Variants in COL23A1 observed in about 807,000 individuals in gnomAD.
The protein encoded by COL23A1 is collagen alpha-1(XXIII) chain.
A neutral mutation model predicts 99.3 loss-of-function variants in COL23A1; 97 were observed. The observed-to-expected ratio is 0.98, with a 90% CI of 0.83 to 1.16. The LOEUF is 1.16. COL23A1 is among the 50% of genes most tolerant of loss of function. The probability of loss-of-function intolerance (pLI) is 0.00; values close to 1 mark genes in which losing one functional copy is unlikely to be tolerated. For missense variants in COL23A1, 762 were observed against 757.4 expected (o/e 1.01, Z -0.07); for synonymous variants, 320 against 308.2 (o/e 1.04, Z -0.40).
In COL23A1 at chr5:178,366,432, C is replaced by G. The variant is rs1762483178; in HGVS notation, c.362-59513G>C. Among the ~76,000 whole-genome samples, 1 of 152,210 alleles carries G rather than the reference C, an allele frequency of 6.6e-6. No homozygotes were observed. The highest frequency in any genetic ancestry group is 2.4e-5 in the African/African-American group (1 of 41,456). ...AGCTCCCATCCGCCCTTCCCTGCATCCTCCTGGGCTGGTTCCAGTTTGGGG... is the reference window on the plus strand; with the variant it reads ...AGCTCCCATCCGCCCTTCCCTGCATGCTCCTGGGCTGGTTCCAGTTTGGGG... On this transcript the variant is annotated intron_variant, in intron 2 of 28. Transcript: ENST00000390654. This position sits in a 1 kb window ranked among gnomAD's most constrained non-coding sequence, Gnocchi z 4.4.
At chr5:178,574,307 A>G (rs1763243985) in intron 1 of COL23A1, among the ~76,000 whole-genome samples, 1 of 152,194 alleles carries the variant, frequency 6.6e-6, no homozygotes, top group Non-Finnish European at 1.5e-5. Context: ...CTTATTGGAG[A>G]TGCTGGTCAT....
At chr5:178,377,553 T>C (rs1025685008) in intron 2 of COL23A1, among the ~76,000 whole-genome samples, 1 of 152,188 alleles carries the variant, frequency 6.6e-6, no homozygotes. Flanking sequence ...CCACCGGCCA[T>C]GTGTCCTAGG....
At chr5:178,304,758 C>T (rs1318986172) in intron 3 of COL23A1, among the ~76,000 whole-genome samples, 1 of 152,122 alleles carries the variant, frequency 6.6e-6, no homozygotes, top group African/African-American at 2.4e-5. Context: ...GGGATCCTGC[C>T]CACCCCTTGG....
chr5:178,252,401 G>T, intron 17 of COL23A1, 143 bp downstream of exon 17: 1 of 643,622 alleles, frequency 1.6e-6, no homozygotes, highest in Non-Finnish European at 2.6e-6. Context: ...CAGCCTGGGA[G>T]CCCAGGCCCG....
chr5:178,541,819 T>C (rs949285604), intron 2 of COL23A1, among the ~76,000 whole-genome samples: 1 of 152,134 alleles, frequency 6.6e-6, no homozygotes, highest in African/African-American at 2.4e-5. Flanking sequence ...CAATGCTGAA[T>C]TGCAGACACA....
chr5:178,269,918 G>A (rs1432098573), intron 6 of COL23A1, among the ~76,000 whole-genome samples: 2 of 152,174 alleles, frequency 1.3e-5, no homozygotes, highest in African/African-American at 4.8e-5. Flanking sequence ...ATCTGCTGAG[G>A]CTCCTGGCCC....
chr5:178,259,079 G>A (rs1041211059), intron 12 of COL23A1, among the ~76,000 whole-genome samples: 1 of 151,968 alleles, frequency 6.6e-6, no homozygotes, highest in African/African-American at 2.4e-5. Flanking sequence ...ACCACGCCTG[G>A]CTAATTTATT....
chr5:178,406,945 C>T (rs1764796019), intron 2 of COL23A1, among the ~76,000 whole-genome samples: 1 of 152,092 alleles, frequency 6.6e-6, no homozygotes, highest in Non-Finnish European at 1.5e-5. Context: ...CAGCTAAAAC[C>T]CCTAGACATT....
chr5:178,572,386 A>G (rs1763155216), intron 1 of COL23A1, among the ~76,000 whole-genome samples: 1 of 151,984 alleles, frequency 6.6e-6, no homozygotes, highest in South Asian at 2.1e-4. Flanking sequence ...GTGTTTTCAA[A>G]TTTGGTGAAA....
chr5:178,478,458 C>T (rs1299050991), intron 2 of COL23A1, among the ~76,000 whole-genome samples: 3 of 152,130 alleles, frequency 2.0e-5, no homozygotes, highest in Non-Finnish European at 4.4e-5. Flanking sequence ...TCTTCATTGC[C>T]CAGATTCTGC....
At chr5:178,403,121 A>AAAAAAAAAAAAAAC (rs1764550310) in intron 2 of COL23A1, among the ~76,000 whole-genome samples, 1 of 74,146 alleles carries the variant, frequency 1.3e-5, no homozygotes, top group Admixed American at 1.7e-4. Context: ...AAAAAAAAAA[A>AAAAAAAAAAAAAAC]ATAAATAAAT....
Position 178,590,039 on chromosome 5 carries a change from C to A in COL23A1, c.159G>T (p.Leu53=). ...GCAGCGCGGCCGCCTGGACACCCAG[C>A]AGCAGGCAGGCAGCCGCCGAGCCCA... ...LSVGSAAACL[L]LGVQAAALQG... is the part of the protein sequence containing the mutation. The change falls in exon 1 of 29, where the codon CTG becomes CTT. Residue 53 remains leucine, a synonymous_variant. Transcript: ENST00000390654. This position sits in a 1 kb window ranked among gnomAD's most constrained non-coding sequence, Gnocchi z 5.7. 1 of 1,353,666 alleles carries A rather than the reference C, an allele frequency of 7.4e-7. No homozygotes were observed. Among genetic ancestry groups the A allele is most frequent in the Non-Finnish European group, 9.5e-7 (1 of 1,049,482 alleles). 83.9% of individuals were successfully genotyped at this position (1,353,666 alleles called of 1,614,324 possible).
intron 1 of COL23A1, among the ~76,000 whole-genome samples, chr5:178,585,727 A>AGCCCTGGATGGCGCTGGGGTAACG (rs1562115542): frequency 4.6e-4 from 5 of 10,840 alleles, no homozygotes; most frequent in East Asian, 4.4e-3. Context: ...CTGGGGTAAC[A>AGCCCTGGATGGCGCTGGGGTAACG]CTCCACAGCC....
intron 2 of COL23A1, among the ~76,000 whole-genome samples, chr5:178,490,663 G>T (rs1396379843): frequency 1.3e-5 from 2 of 152,140 alleles, no homozygotes; most frequent in African/African-American, 2.4e-5. Flanking sequence ...TGAAGTCCCA[G>T]CTACTAGGGA....
At chr5:178,526,239 C>G (rs1760300923) in intron 2 of COL23A1, among the ~76,000 whole-genome samples, 1 of 152,198 alleles carries the variant, frequency 6.6e-6, no homozygotes, top group Non-Finnish European at 1.5e-5. Context: ...TCTGGCTGCC[C>G]CGGGAACTGC....
At chr5:178,394,074 A>T (rs2127756402) in intron 2 of COL23A1, among the ~76,000 whole-genome samples, 1 of 152,286 alleles carries the variant, frequency 6.6e-6, no homozygotes, top group South Asian at 2.1e-4. Context: ...ACAGACTATC[A>T]AACCTGGAGC....
At chr5:178,527,757 C>G (rs905547426) in intron 2 of COL23A1, among the ~76,000 whole-genome samples, 1 of 152,074 alleles carries the variant, frequency 6.6e-6, no homozygotes, top group Non-Finnish European at 1.5e-5. Flanking sequence ...CCCCTGCCCA[C>G]GCCCCTGCCA....
intron 2 of COL23A1, among the ~76,000 whole-genome samples, chr5:178,452,062 A>T (rs958156570): frequency 3.9e-5 from 6 of 152,200 alleles, no homozygotes; most frequent in South Asian, 2.1e-4. Flanking sequence ...AAATTCCAAA[A>T]AGAAAAATAA....
intron 2 of COL23A1, among the ~76,000 whole-genome samples, chr5:178,543,113 T>G (rs985803481): frequency 7.9e-5 from 12 of 151,684 alleles, no homozygotes; most frequent in South Asian, 2.1e-4. Flanking sequence ...TTGGCTTGTT[T>G]TTTTTTTTTT....
Sources: allele counts gnomAD v4.1 joint callset (sites outside exome capture counted in the v4.1 genomes callset), GRCh38; gene constraint gnomAD v4.1.1; non-coding constraint Gnocchi (gnomAD v3.1); transcripts MANE v1.5; gene names NCBI Gene and HGNC (gene_info 2026-07-23, HGNC 2026-07-21).